MB21D2: variants seen among roughly 807,000 people sequenced by gnomAD.
The protein encoded by MB21D2 is nucleotidyltransferase MB21D2.
In MB21D2, 9 loss-of-function variants were observed where a neutral mutation model predicts 33.3. The observed-to-expected ratio is 0.27, with a 90% CI of 0.16 to 0.47. MB21D2 has a LOEUF of 0.47. Ranked by LOEUF, MB21D2 falls within the 20% of genes least tolerant of loss-of-function variation. The pLI is 0.99. For missense variants in MB21D2, 540 were observed against 624.6 expected, an observed-to-expected ratio of 0.86 and a Z score of 1.44; for synonymous variants, 241 against 236.3, an observed-to-expected ratio of 1.02 and a Z score of -0.18.
intron 1 of MB21D2, among the ~76,000 whole-genome samples, chr3:192,915,945 T>C (rs180874280): frequency 2.1e-3 from 320 of 152,222 alleles, no homozygotes; most frequent in African/African-American, 7.4e-3. Context: ...TTCCATTATT[T>C]ATGCCACAGA....
intron 1 of MB21D2, among the ~76,000 whole-genome samples, chr3:192,867,009 G>A (rs1409688525): frequency 6.6e-6 from 1 of 152,144 alleles, no homozygotes; most frequent in Non-Finnish European, 1.5e-5. Context: ...TCCCTTGTGC[G>A]CCTGCATGCA....
At chr3:192,840,155 T>C (rs1292023031) in intron 1 of MB21D2, among the ~76,000 whole-genome samples, 20 of 152,166 alleles carry the variant, frequency 1.3e-4, no homozygotes, top group Admixed American at 1.0e-3. Context: ...TAATGTCCCC[T>C]GCAGATATAA....
At chr3:192,839,595 T>C (rs1431350924) in intron 1 of MB21D2, among the ~76,000 whole-genome samples, 1 of 152,242 alleles carries the variant, frequency 6.6e-6, no homozygotes. Flanking sequence ...TGCAGGTATG[T>C]CTACATATAC....
At chr3:192,862,416 CAAT>C (rs1713068526) in intron 1 of MB21D2, among the ~76,000 whole-genome samples, 1 of 152,100 alleles carries the variant, frequency 6.6e-6, no homozygotes. Flanking sequence ...AATTTGGGTT[CAAT>C]AATAATAATT....
intron 1 of MB21D2, among the ~76,000 whole-genome samples, chr3:192,906,154 G>C (rs1000534262): frequency 1.1e-4 from 17 of 152,158 alleles, no homozygotes; most frequent in Admixed American, 1.1e-3. Flanking sequence ...ATAAAATGTA[G>C]AAGTCACTGT....
intron 1 of MB21D2, among the ~76,000 whole-genome samples, chr3:192,909,736 G>A (rs1258349735): frequency 6.6e-6 from 1 of 151,868 alleles, no homozygotes; most frequent in Non-Finnish European, 1.5e-5. Flanking sequence ...TTCAAGACCA[G>A]CCTGGCCAAC....
At position 192,798,627 on chromosome 3, in the gene MB21D2, C is replaced by A. The variant is rs776064932; in HGVS notation, c.1235G>T (p.Arg412Leu). The A allele has an allele frequency of 3.7e-6, 6 of 1,613,852 alleles. No homozygotes were observed. Among genetic ancestry groups the A allele is most frequent in the Non-Finnish European group, 5.1e-6 (6 of 1,180,020 alleles). ...TGCCTTGACATGCTCAATGGCGGTG[C>A]GCAAGTGCTCTGCCGGGTCTGAGCG... ...SVRSDPAEHL[R>L]TAIEHVKAAN... The change falls in exon 2 of 2, where the codon CGC becomes CTC. Residue 412 changes from arginine (R) to leucine (L), a missense_variant. Arg to Leu is a moderately radical substitution (Grantham distance 102). Transcript: ENST00000392452. This position sits in a 1 kb window ranked among gnomAD's most constrained non-coding sequence, Gnocchi z 4.8.
chr3:192,916,098 T>TATA (rs1714458733), intron 1 of MB21D2, among the ~76,000 whole-genome samples: 20 of 139,176 alleles, frequency 1.4e-4, no homozygotes, highest in Admixed American at 3.6e-4. Flanking sequence ...CTACCAGGTT[T>TATA]TATATATATA....
At chr3:192,821,650 T>C (rs1712062365) in intron 1 of MB21D2, among the ~76,000 whole-genome samples, 1 of 152,220 alleles carries the variant, frequency 6.6e-6, no homozygotes, top group African/African-American at 2.4e-5. Context: ...GTTAAGGCGC[T>C]AATTAACATT....
chr3:192,913,353 G>A (rs1714395287), intron 1 of MB21D2, among the ~76,000 whole-genome samples: 1 of 152,130 alleles, frequency 6.6e-6, no homozygotes, highest in Non-Finnish European at 1.5e-5. Context: ...AGCTGAGACT[G>A]TACCACTGCA....
At chr3:192,818,990 G>A (rs1483858145) in intron 1 of MB21D2, among the ~76,000 whole-genome samples, 1 of 93,244 alleles carries the variant, frequency 1.1e-5, no homozygotes, top group Non-Finnish European at 2.0e-5. Flanking sequence ...GGCAGGAATT[G>A]AGTTTTTTTT....
chr3:192,883,330 G>A (rs924778278), intron 1 of MB21D2, among the ~76,000 whole-genome samples: 1 of 152,092 alleles, frequency 6.6e-6, no homozygotes, highest in Non-Finnish European at 1.5e-5. Flanking sequence ...ATATTTGTAT[G>A]AGTCATGTTT....
intron 1 of MB21D2, among the ~76,000 whole-genome samples, chr3:192,878,127 T>C (rs1480736454): frequency 1.5e-5 from 2 of 136,082 alleles, no homozygotes; most frequent in Non-Finnish European, 3.0e-5. Flanking sequence ...TGAGACGGAG[T>C]CTCGCTCTGT....
chr3:192,813,509 C>A (rs1938322197), intron 1 of MB21D2, among the ~76,000 whole-genome samples: 2 of 152,074 alleles, frequency 1.3e-5, no homozygotes, highest in African/African-American at 4.8e-5. Context: ...TATCTTCCAT[C>A]AAGTCTAAAT....
chr3:192,807,514 G>A (rs1210488065), intron 1 of MB21D2, among the ~76,000 whole-genome samples: 1 of 152,030 alleles, frequency 6.6e-6, no homozygotes, highest in Non-Finnish European at 1.5e-5. Flanking sequence ...CCTTTGCCCA[G>A]GACCCAGCTG....
chr3:192,884,454 C>T (rs562065652), intron 1 of MB21D2, among the ~76,000 whole-genome samples: 1 of 151,886 alleles, frequency 6.6e-6, no homozygotes, highest in Admixed American at 6.5e-5. Flanking sequence ...GCAAGCTCCG[C>T]CTCCCGGGTT....
At chr3:192,903,239 C>T (rs1577202465) in intron 1 of MB21D2, among the ~76,000 whole-genome samples, 1 of 152,192 alleles carries the variant, frequency 6.6e-6, no homozygotes, top group African/African-American at 2.4e-5. Flanking sequence ...TTTCTTAAAG[C>T]ATTAATTACC....
chr3:192,861,002 T>C (rs1713030071), intron 1 of MB21D2, among the ~76,000 whole-genome samples: 1 of 152,248 alleles, frequency 6.6e-6, no homozygotes. Context: ...ACACCATTCC[T>C]GGTTTAGGTG....
chr3:192,872,284 G>T (rs796293013), intron 1 of MB21D2, among the ~76,000 whole-genome samples: 3 of 152,244 alleles, frequency 2.0e-5, no homozygotes, highest in African/African-American at 7.2e-5. Flanking sequence ...AGGATCAAAA[G>T]TTGCAAAGCT....
Sources: gnomAD v4.1 joint callset for allele counts (sites outside exome capture counted in the v4.1 genomes callset) on GRCh38, gnomAD v4.1.1 for gene constraint, Gnocchi (gnomAD v3.1) non-coding constraint, MANE v1.5 for transcripts, NCBI Gene and HGNC (gene_info 2026-07-23, HGNC 2026-07-21) for gene names.